The following ARHGAP12 variants were observed in gnomAD, a reference collection of about 807,000 sequenced individuals.
ARHGAP12 encodes Rho GTPase activating protein 12.
ARHGAP12 carries 64 observed loss-of-function variants against 108.6 expected under a neutral mutation model. The ratio of observed to expected loss-of-function variants is 0.59; its 90% CI spans 0.48 to 0.73. ARHGAP12 has a LOEUF of 0.73. Among genes scored for constraint, ARHGAP12 ranks in the 30% least tolerant of loss-of-function variants. The probability of loss-of-function intolerance (pLI) is 0.00; values close to 1 mark genes in which losing one functional copy is unlikely to be tolerated. For missense variants in ARHGAP12, 940 were observed against 1,005.9 expected (o/e 0.93, Z 0.89); for synonymous variants, 312 against 337.2 (o/e 0.93, Z 0.82).
intron 4 of ARHGAP12, among the ~76,000 whole-genome samples, chr10:31,857,946 G>A (rs1459405831): frequency 6.6e-6 from 1 of 152,196 alleles, no homozygotes; most frequent in African/African-American, 2.4e-5. Flanking sequence ...GCTCATGCCT[G>A]TAATCCCAGC....
chr10:31,894,781 G>A lies in ARHGAP12; in HGVS notation c.684+13391C>T, dbSNP rs180998883. Among the ~76,000 whole-genome samples, 1,472 of 151,678 alleles carry A rather than the reference G, an allele frequency of 9.7e-3. 75 individuals carry two copies. Among genetic ancestry groups the A allele is most frequent in the Admixed American group, 0.086 (1,309 of 15,256 alleles). On this transcript the variant is annotated intron_variant, in intron 3 of 19. Transcript: ENST00000344936. ...TTCATATGGAACCAAAAAAGAGCCCGCATCACCAAGTCAATCCTAAGCCAA... is the reference window on the plus strand; with the variant it reads ...TTCATATGGAACCAAAAAAGAGCCCACATCACCAAGTCAATCCTAAGCCAA...
chr10:31,907,518 C>T (rs1839183292), intron 3 of ARHGAP12, among the ~76,000 whole-genome samples: 1 of 151,322 alleles, frequency 6.6e-6, no homozygotes, highest in Non-Finnish European at 1.5e-5. Context: ...CCTGTAGTAC[C>T]AGCTACTGGG....
chr10:31,814,229 C>T (rs1266343812), intron 14 of ARHGAP12, 30 bp downstream of exon 14: 1 of 1,556,600 alleles, frequency 6.4e-7, no homozygotes. Flanking sequence ...AAGCACAAAT[C>T]CTTAGCAAAA....
chr10:31,812,749 G>A lies in ARHGAP12; in HGVS notation c.1909C>T (p.Arg637Cys), dbSNP rs766560539. Residue 637 changes from arginine to cysteine, a missense_variant, in exon 15 of 20, where the codon CGC becomes TGC. Physicochemically the swap from Arg to Cys is radical, Grantham distance 180. Coordinates refer to ENST00000344936, the MANE Select transcript of ARHGAP12 (RefSeq NM_018287.7). ...KKNLKKFLTR[R>C]PTLQAVREKG... Reference sequence around the variant, plus strand: ...TCACGAACAGCTTGCAAAGTGGGGCGTCGTGTAAGAAACTTCTTTAAGTTT... The same window carrying A: ...TCACGAACAGCTTGCAAAGTGGGGCATCGTGTAAGAAACTTCTTTAAGTTT... 1.2e-6 allele frequency: 2 copies of A among 1,608,410 alleles called. No homozygotes were observed. Among genetic ancestry groups the A allele is most frequent in the East Asian group, 2.2e-5 (1 of 44,636 alleles).
chr10:31,922,607 T>C (rs1256913262), intron 1 of ARHGAP12, among the ~76,000 whole-genome samples: 1 of 152,076 alleles, frequency 6.6e-6, no homozygotes, highest in African/African-American at 2.4e-5. Flanking sequence ...CAAAGCTTGC[T>C]AAAGAATAAA....
chr10:31,882,826 A>C (rs927014124), intron 3 of ARHGAP12, among the ~76,000 whole-genome samples: 1 of 151,600 alleles, frequency 6.6e-6, no homozygotes, highest in Admixed American at 6.6e-5. Flanking sequence ...AAAAGAAAAA[A>C]AAAAAAAAAA....
chr10:31,909,344 G>A (rs774467803), intron 2 of ARHGAP12, among the ~76,000 whole-genome samples: 3 of 151,778 alleles, frequency 2.0e-5, no homozygotes, highest in African/African-American at 7.3e-5. Context: ...ACGGCATTAC[G>A]GGTTTAAATG....
At chr10:31,898,232 C>T (rs892491716) in intron 3 of ARHGAP12, among the ~76,000 whole-genome samples, 3 of 152,072 alleles carry the variant, frequency 2.0e-5, no homozygotes, top group Non-Finnish European at 4.4e-5. Flanking sequence ...AATAAGGCAA[C>T]GCAACTTAAA....
intron 11 of ARHGAP12, among the ~76,000 whole-genome samples, chr10:31,823,207 G>T (rs1592254970): frequency 6.6e-6 from 1 of 152,060 alleles, no homozygotes; most frequent in East Asian, 1.9e-4. Context: ...AACACAGCAG[G>T]CTTTTAGGTC....
chr10:31,824,084 G>C (rs1835511210), intron 11 of ARHGAP12, among the ~76,000 whole-genome samples: 1 of 152,086 alleles, frequency 6.6e-6, no homozygotes, highest in Admixed American at 6.6e-5. Context: ...GCACTTACAT[G>C]ATTTTTAAAT....
Position 31,839,743 on chromosome 10 carries a change from C to T in ARHGAP12, c.1297-32G>A, listed in dbSNP as rs757537189. 4.6e-6 allele frequency: 7 copies of T among 1,523,378 alleles called. No homozygotes were observed. In the African/African-American group the frequency reaches 9.7e-5, roughly 21 times the overall value. The allele number at this position is 1,523,378 out of a possible 1,614,324, so 94.4% of individuals were successfully genotyped here. ...GAAATAAGTAATGAAAAAAGTTACT[C>T]TATTTTATATAATTATATTTCTGCC... On this transcript the variant is annotated intron_variant, in intron 7 of 19. Transcript: ENST00000344936.
At chr10:31,822,681 C>G (rs1474807599) in intron 11 of ARHGAP12, among the ~76,000 whole-genome samples, 1 of 152,144 alleles carries the variant, frequency 6.6e-6, no homozygotes, top group African/African-American at 2.4e-5. Flanking sequence ...CCAAAATCCC[C>G]TAGCTTCCTC....
chr10:31,831,123 A>G (rs1835816588), intron 10 of ARHGAP12, among the ~76,000 whole-genome samples: 1 of 152,220 alleles, frequency 6.6e-6, no homozygotes, highest in Non-Finnish European at 1.5e-5. Flanking sequence ...AACAACTGAC[A>G]TGTCTACCAA....
intron 10 of ARHGAP12, among the ~76,000 whole-genome samples, chr10:31,830,574 A>G (rs192464414): frequency 5.9e-5 from 9 of 152,308 alleles, no homozygotes; most frequent in African/African-American, 2.2e-4. Context: ...GCACTTAAAA[A>G]AAAAATCTAA....
At chr10:31,818,937 T>C (rs1835309392) in intron 12 of ARHGAP12, among the ~76,000 whole-genome samples, 1 of 152,136 alleles carries the variant, frequency 6.6e-6, no homozygotes, top group Non-Finnish European at 1.5e-5. Flanking sequence ...ACTTCTTTCA[T>C]GCACTTTTCT....
chr10:31,873,315 T>A (rs1837608831), intron 3 of ARHGAP12, among the ~76,000 whole-genome samples: 1 of 152,238 alleles, frequency 6.6e-6, no homozygotes, highest in Non-Finnish European at 1.5e-5. Context: ...ACTTTATCTA[T>A]ATTTCGATTT....
chr10:31,925,153 C>T (rs1458518865), intron 1 of ARHGAP12, among the ~76,000 whole-genome samples: 1 of 152,126 alleles, frequency 6.6e-6, no homozygotes, highest in African/African-American at 2.4e-5. Flanking sequence ...TGAAATAGTG[C>T]ATGGAGCATG....
chr10:31,815,149 A>G (rs562612908), intron 13 of ARHGAP12, among the ~76,000 whole-genome samples: 5 of 151,898 alleles, frequency 3.3e-5, no homozygotes, highest in African/African-American at 4.8e-5. Flanking sequence ...AAGAAAGAAA[A>G]AAAAGAAAAG....
chr10:31,838,822 C>T (rs1420593704), intron 9 of ARHGAP12, among the ~76,000 whole-genome samples: 43 of 112,622 alleles, frequency 3.8e-4, no homozygotes, highest in African/African-American at 1.6e-3. Flanking sequence ...CAGAGTGAGG[C>T]TCCATCTCAA....
Sources: allele counts gnomAD v4.1 joint callset (sites outside exome capture counted in the v4.1 genomes callset), GRCh38; gene constraint gnomAD v4.1.1; transcripts MANE v1.5; gene names NCBI Gene and HGNC (gene_info 2026-07-23, HGNC 2026-07-21).